The following SMARCA1 variants were observed in gnomAD, a reference collection of about 807,000 sequenced individuals.
SMARCA1 encodes the protein SNF2 related chromatin remodeling ATPase 1, also known as SWI/SNF-related matrix-associated actin-dependent regulator of chromatin subfamily A member 1.
SMARCA1 carries 17 observed loss-of-function variants against 93.6 expected under a neutral mutation model. The ratio of observed to expected loss-of-function variants is 0.18; its 90% confidence interval spans 0.12 to 0.27. SMARCA1 has a LOEUF of 0.27. Among genes scored for constraint, SMARCA1 ranks in the 10% least tolerant of loss-of-function variants. SMARCA1 has a pLI of 1.00. For synonymous variants in SMARCA1, 271 were observed against 271.4 expected (o/e 1.00, Z 0.01); for missense variants, 630 against 819.0 (o/e 0.77, Z 2.82).
intron 2 of SMARCA1, among the ~76,000 whole-genome samples, chrX:129,517,742 TAA>T (rs1294011801): frequency 3.6e-5 from 4 of 111,205 alleles, no homozygotes; most frequent in African/African-American, 1.3e-4. Context: ...TCCAAGGTTA[TAA>T]GAGTTTAGTT....
At chrX:129,494,780 C>A (rs993631912) in intron 12 of SMARCA1, among the ~76,000 whole-genome samples, 3 of 112,237 alleles carry the variant, frequency 2.7e-5, no homozygotes, top group Non-Finnish European at 5.6e-5. Flanking sequence ...ATTACAGCTA[C>A]TGAGGCTCAG....
chrX:129,510,908 T>C (rs1189181714), intron 6 of SMARCA1, among the ~76,000 whole-genome samples: 3 of 111,173 alleles, frequency 2.7e-5, no homozygotes, highest in East Asian at 5.6e-4. Flanking sequence ...TATTTGTAAG[T>C]TAAATTTAAA....
intron 23 of SMARCA1, among the ~76,000 whole-genome samples, chrX:129,462,756 A>C (rs1467148836): frequency 1.8e-5 from 2 of 111,611 alleles, no homozygotes; most frequent in Non-Finnish European, 1.9e-5. Context: ...TTTTTAACAG[A>C]AAAAGATTTC....
chrX:129,470,479 T>C (rs1162540008), intron 20 of SMARCA1, among the ~76,000 whole-genome samples: 1 of 111,902 alleles, frequency 8.9e-6, no homozygotes, highest in African/African-American at 3.2e-5. Flanking sequence ...TTTTGAAAAT[T>C]ATGAAATTAT....
chrX:129,480,870 T>C lies in SMARCA1; in HGVS notation c.2329-56A>G, dbSNP rs191309171. The C allele has an allele frequency of 3.3e-4, 248 of 752,398 alleles. 1 individual carries two copies. The African/African-American group carries it at 4.8e-3, about 15-fold the overall frequency. 62.0% of individuals were successfully genotyped at this position (752,398 alleles called of 1,213,427 possible). ...TTCTTTTCAGTACATGAAGTAAACT[T>C]ACTTATCTTTTACTATTTCTGTGAT... On this transcript the variant is annotated intron_variant, in intron 18 of 24. Coordinates refer to ENST00000371121, the MANE Select transcript of SMARCA1 (RefSeq NM_001282874.2).
At position 129,523,441 on chromosome X, in the gene SMARCA1, A is replaced by C. The variant is rs893477805; in HGVS notation, c.-71T>G. On this transcript the variant is annotated 5_prime_UTR_variant, in exon 1 of 25. Coordinates refer to ENST00000371121, the MANE Select transcript of SMARCA1 (RefSeq NM_001282874.2). ...GCTCCTGGGCGGCGGCAGTGGCTGC[A>C]CTGGAAAGAGCTAGATGGAGCAGGG... 2.7e-4 allele frequency: 249 copies of C among 912,332 alleles called. No homozygotes were observed. Among genetic ancestry groups the C allele is most frequent in the Non-Finnish European group, 3.7e-4 (244 of 666,888 alleles). 75.2% of individuals were successfully genotyped at this position (912,332 alleles called of 1,213,427 possible).
chrX:129,486,132 GA>G (rs1933875116), intron 17 of SMARCA1, among the ~76,000 whole-genome samples: 2 of 110,289 alleles, frequency 1.8e-5, no homozygotes, highest in African/African-American at 6.6e-5. Flanking sequence ...AAAATAGAAG[GA>G]AAAAATAATA....
At chrX:129,485,465 G>C (rs1461610309) in intron 17 of SMARCA1, among the ~76,000 whole-genome samples, 1 of 112,178 alleles carries the variant, frequency 8.9e-6, no homozygotes, top group African/African-American at 3.2e-5. Context: ...CTTGCATTGA[G>C]ACTGAGATGA....
chrX:129,480,734 T>C lies in SMARCA1; in HGVS notation c.2409A>G (p.Glu803=), dbSNP rs751558559. The C allele has an allele frequency of 1.4e-5, 16 of 1,125,520 alleles. No individual in the cohort carries two copies. The Admixed American group carries it at 5.3e-4, about 37-fold the overall frequency. 92.8% of individuals were successfully genotyped at this position (1,125,520 alleles called of 1,213,427 possible). ...PPRLFELLEK[E]ILYYRKTIGY... is the part of the protein sequence containing the mutation. ...CTATTGTCTTCCGATAATAAAGAAT[T>C]TCCTTTTCCAGGAGCTCAAATAAGC... is the stretch of plus-strand genomic sequence containing the variant. Residue 803 remains glutamate (E), a synonymous_variant, in exon 19 of 25, where the codon GAA becomes GAG. Transcript: ENST00000371121.
At chrX:129,453,790 G>C (rs1339112179) in intron 23 of SMARCA1, among the ~76,000 whole-genome samples, 1 of 111,700 alleles carries the variant, frequency 9.0e-6, no homozygotes. Context: ...GAAAATAAGA[G>C]AGGACACAAA....
At chrX:129,497,479 C>T (rs934152454) in intron 11 of SMARCA1, among the ~76,000 whole-genome samples, 5 of 112,014 alleles carry the variant, frequency 4.5e-5, no homozygotes, top group Non-Finnish European at 9.4e-5. Context: ...TTTCACGCCT[C>T]TGTTTCATTA....
intron 23 of SMARCA1, 58 bp from the exon 24 acceptor site, chrX:129,448,501 C>T (rs1291750613): frequency 1.0e-6 from 1 of 999,454 alleles, no homozygotes; most frequent in African/African-American, 1.9e-5. Flanking sequence ...CTTTAAAACG[C>T]TGACAACTAT....
At chrX:129,487,739 G>A (rs991733372) in intron 16 of SMARCA1, among the ~76,000 whole-genome samples, 10 of 112,113 alleles carry the variant, frequency 8.9e-5, no homozygotes, top group Non-Finnish European at 1.5e-4. Context: ...AAAAGATAGA[G>A]ATGAAATCTC....
At position 129,490,121 on chromosome X, in the gene SMARCA1, T is replaced by C; in HGVS notation, c.1887A>G (p.Glu629=). 8.4e-7 allele frequency: 1 copy of C among 1,184,796 alleles called. No individual in the cohort carries two copies. The highest frequency in any genetic ancestry group is 1.1e-6 in the Non-Finnish European group (1 of 871,180). ...VFRLITDNTV[E]ERIVERAEIK... ...TCTCAGCTCTTTCTACAATCCTCTC[T>C]TCAACAGTGTTGTCAGTGATGAGAC... The change falls in exon 15 of 25, where the codon GAA becomes GAG. Residue 629 remains glutamate (E), a synonymous_variant. Coordinates refer to ENST00000371121, the MANE Select transcript of SMARCA1 (RefSeq NM_001282874.2).
At position 129,468,802 on chromosome X, in the gene SMARCA1, T is replaced by C. The variant is rs761265721; in HGVS notation, c.2669A>G (p.Lys890Arg). 9 of 1,187,568 alleles carry C rather than the reference T, an allele frequency of 7.6e-6. No individual in the cohort carries two copies. The highest frequency in any genetic ancestry group is 8.0e-6 in the Non-Finnish European group (7 of 875,596). ...ATACTCCATGACCTCCTCAGGGGATTTGCCCTCTACCTCTCGAGCTATGTT... is the reference window on the plus strand; with the variant it reads ...ATACTCCATGACCTCCTCAGGGGATCTGCCCTCTACCTCTCGAGCTATGTT... ...IDNIAREVEG[K>R]SPEEVMEYSA... The change falls in exon 21 of 25, where the codon AAA becomes AGA. Residue 890 changes from lysine to arginine, a missense_variant. Coordinates refer to ENST00000371121, the MANE Select transcript of SMARCA1 (RefSeq NM_001282874.2).
At chrX:129,493,247 T>A (rs1934196072) in intron 12 of SMARCA1, among the ~76,000 whole-genome samples, 172 bp from the exon 13 acceptor site, 1 of 111,716 alleles carries the variant, frequency 9.0e-6, no homozygotes, top group Non-Finnish European at 1.9e-5. Flanking sequence ...CTTTTACAAT[T>A]ATTTTTTATG....
intron 19 of SMARCA1, among the ~76,000 whole-genome samples, chrX:129,473,947 A>G (rs1933259751): frequency 8.9e-6 from 1 of 111,946 alleles, no homozygotes; most frequent in Non-Finnish European, 1.9e-5. Context: ...CACTCTATGT[A>G]AATGTTACTT....
At chrX:129,494,677 C>T (rs1041931424) in intron 12 of SMARCA1, among the ~76,000 whole-genome samples, 7 of 111,315 alleles carry the variant, frequency 6.3e-5, no homozygotes, top group African/African-American at 2.3e-4. Context: ...ACCTGCAGTA[C>T]GTACTGCAAT....
At chrX:129,455,397 T>C (rs867609149) in intron 23 of SMARCA1, among the ~76,000 whole-genome samples, 8 of 101,327 alleles carry the variant, frequency 7.9e-5, no homozygotes, top group African/African-American at 2.9e-4. Flanking sequence ...TAAGTGGGAG[T>C]TGAACAATGA....
Sources: gnomAD v4.1 joint callset for allele counts (sites outside exome capture counted in the v4.1 genomes callset) on GRCh38, gnomAD v4.1.1 for gene constraint, MANE v1.5 for transcripts, NCBI Gene and HGNC (gene_info 2026-07-23, HGNC 2026-07-21) for gene names.